NDUFS4: variants seen among roughly 807,000 people sequenced by gnomAD.
The protein encoded by NDUFS4 is NADH:ubiquinone oxidoreductase subunit S4.
In NDUFS4, 28 loss-of-function variants were observed where a neutral mutation model predicts 24.3. The observed-to-expected ratio is 1.15, with a 90% CI of 0.85 to 1.58. The LOEUF is 1.58. NDUFS4 is among the 40% of genes most tolerant of loss of function. The pLI is 0.00. For synonymous variants in NDUFS4, 93 were observed against 69.7 expected (o/e 1.34, Z -1.67); for missense variants, 223 against 207.9 (o/e 1.07, Z -0.45).
At chr5:53,666,088 G>A (rs1016300814) in intron 4 of NDUFS4, among the ~76,000 whole-genome samples, 1 of 152,058 alleles carries the variant, frequency 6.6e-6, no homozygotes, top group African/African-American at 2.4e-5. Context: ...TTTCAAAAGT[G>A]GTCTTTTAAA....
At chr5:53,585,756 A>G (rs1749731953) in intron 1 of NDUFS4, among the ~76,000 whole-genome samples, 1 of 145,898 alleles carries the variant, frequency 6.9e-6, no homozygotes, top group Admixed American at 6.7e-5. Flanking sequence ...AAAAAAAAAA[A>G]GAAAATTTTT....
intron 4 of NDUFS4, among the ~76,000 whole-genome samples, chr5:53,671,319 T>C (rs1238690897): frequency 6.6e-6 from 1 of 152,082 alleles, no homozygotes; most frequent in Non-Finnish European, 1.5e-5. Context: ...CTTCTTTACC[T>C]CACTTCTTAT....
At chr5:53,641,875 A>C (rs539758321) in intron 2 of NDUFS4, among the ~76,000 whole-genome samples, 44 of 152,252 alleles carry the variant, frequency 2.9e-4, no homozygotes, top group Non-Finnish European at 5.1e-4. Flanking sequence ...AAACTCAGTC[A>C]TCAAATTTAG....
chr5:53,583,748 T>C (rs1749651196), intron 1 of NDUFS4, among the ~76,000 whole-genome samples: 1 of 152,156 alleles, frequency 6.6e-6, no homozygotes. Flanking sequence ...AGTTGATGGG[T>C]GGCAAGATAA....
intron 1 of NDUFS4, among the ~76,000 whole-genome samples, chr5:53,573,171 C>T (rs1343343378): frequency 3.3e-5 from 5 of 151,660 alleles, no homozygotes; most frequent in Non-Finnish European, 7.4e-5. Flanking sequence ...ATGGGTGTCT[C>T]CCTGTGTTGC....
chr5:53,606,296 T>G (rs1579864416), intron 2 of NDUFS4, among the ~76,000 whole-genome samples: 2 of 152,302 alleles, frequency 1.3e-5, no homozygotes, highest in Admixed American at 1.3e-4. Context: ...GCTCGGCTTG[T>G]GAGGAGGCCT....
chr5:53,677,069 A>G (rs904163198), intron 4 of NDUFS4, among the ~76,000 whole-genome samples: 3 of 152,176 alleles, frequency 2.0e-5, no homozygotes, highest in Admixed American at 6.5e-5. Context: ...TTTTCTCCAG[A>G]AAAATGTGTT....
chr5:53,661,664 G>T (rs562671224), intron 4 of NDUFS4, among the ~76,000 whole-genome samples: 40 of 151,970 alleles, frequency 2.6e-4, no homozygotes, highest in Admixed American at 5.2e-4. Flanking sequence ...GTTTGTATCC[G>T]CTTTTATTTC....
At chr5:53,606,629 T>C (rs1030304032) in intron 2 of NDUFS4, among the ~76,000 whole-genome samples, 3 of 152,184 alleles carry the variant, frequency 2.0e-5, no homozygotes, top group African/African-American at 7.2e-5. Flanking sequence ...CCTCCCGAAG[T>C]GCTGGGATTA....
chr5:53,580,170 C>G (rs533120170), intron 1 of NDUFS4, among the ~76,000 whole-genome samples: 61 of 152,318 alleles, frequency 4.0e-4, no homozygotes, highest in African/African-American at 1.4e-3. Flanking sequence ...TCTATTTACA[C>G]TAAAGCCTAA....
intron 1 of NDUFS4, among the ~76,000 whole-genome samples, chr5:53,575,298 AT>A (rs1749347173): frequency 6.6e-6 from 1 of 151,862 alleles, no homozygotes; most frequent in African/African-American, 2.4e-5. Context: ...TCTGCCTGCT[AT>A]TTCCTTTTCA....
In NDUFS4 at chr5:53,658,537, T is replaced by A. The variant is rs568310378; in HGVS notation, c.351-14T>A. 23 of 1,592,108 alleles carry A rather than the reference T, an allele frequency of 1.4e-5. No homozygotes were observed. In the African/African-American group the frequency reaches 1.7e-4, roughly 12 times the overall value. On this transcript the variant is annotated splice_polypyrimidine_tract_variant and intron_variant, in intron 3 of 4. Coordinates refer to ENST00000296684, the MANE Select transcript of NDUFS4 (RefSeq NM_002495.4). ...CTTAATGTTAAATCTTGGAAAAAAA[T>A]TTGTTTCTTACAGGGCTGATCCCTT...
At chr5:53,609,631 C>T (rs1228449350) in intron 2 of NDUFS4, among the ~76,000 whole-genome samples, 1 of 152,166 alleles carries the variant, frequency 6.6e-6, no homozygotes, top group Non-Finnish European at 1.5e-5. Context: ...GTTGACTTCT[C>T]TCTAGCTATG....
intron 1 of NDUFS4, among the ~76,000 whole-genome samples, chr5:53,575,835 C>G (rs1453990138): frequency 6.6e-6 from 1 of 152,032 alleles, no homozygotes; most frequent in Non-Finnish European, 1.5e-5. Context: ...AGCTACCACA[C>G]CTGGCCTAAA....
chr5:53,675,489 C>CT (rs1182060545), intron 4 of NDUFS4, among the ~76,000 whole-genome samples: 3 of 152,124 alleles, frequency 2.0e-5, no homozygotes, highest in Non-Finnish European at 4.4e-5. Flanking sequence ...ACTTTATAAT[C>CT]TAATCAGTGC....
chr5:53,678,665 TA>T (rs543514245), intron 4 of NDUFS4, among the ~76,000 whole-genome samples: 1 of 152,052 alleles, frequency 6.6e-6, no homozygotes, highest in African/African-American at 2.4e-5. Flanking sequence ...CTCTTTCTTT[TA>T]AAAAAAATTA....
At chr5:53,682,684 T>G (rs1205062448) in intron 4 of NDUFS4, among the ~76,000 whole-genome samples, 1 of 152,078 alleles carries the variant, frequency 6.6e-6, no homozygotes, top group East Asian at 1.9e-4. Context: ...TACATATTTT[T>G]CTGTATCCCT....
At chr5:53,659,970 A>G (rs575434387) in intron 4 of NDUFS4, among the ~76,000 whole-genome samples, 2 of 152,204 alleles carry the variant, frequency 1.3e-5, no homozygotes, top group East Asian at 3.9e-4. Flanking sequence ...ACTATATGAT[A>G]GTATATAAGT....
chr5:53,595,199 A>G (rs1038036855), intron 1 of NDUFS4, among the ~76,000 whole-genome samples: 3 of 152,026 alleles, frequency 2.0e-5, no homozygotes, highest in African/African-American at 7.2e-5. Context: ...AGGAAATCTT[A>G]CTTTATTATT....
Sources: gnomAD v4.1 joint callset for allele counts (sites outside exome capture counted in the v4.1 genomes callset) on GRCh38, gnomAD v4.1.1 for gene constraint, MANE v1.5 for transcripts, NCBI Gene and HGNC (gene_info 2026-07-23, HGNC 2026-07-21) for gene names.